CHD1L: variants seen among roughly 807,000 people sequenced by gnomAD.
CHD1L encodes ATP-dependent chromatin remodeler CHD1L.
CHD1L carries 118 observed loss-of-function variants against 115.9 expected under a neutral mutation model. The ratio of observed to expected loss-of-function variants is 1.02; its 90% CI spans 0.88 to 1.19. CHD1L has a LOEUF of 1.19. Ranked by LOEUF, CHD1L falls within the 50% of genes most tolerant of loss-of-function variation. The pLI, the probability that CHD1L is intolerant of heterozygous loss-of-function variation, is 0.00. For synonymous variants in CHD1L, 411 were observed against 387.1 expected, an observed-to-expected ratio of 1.06 and a Z score of -0.72; for missense variants, 1,179 against 1,065.3, an observed-to-expected ratio of 1.11 and a Z score of -1.49.
intron 10 of CHD1L, among the ~76,000 whole-genome samples, chr1:147,270,196 T>A (rs1056469492): frequency 6.6e-6 from 1 of 152,248 alleles, no homozygotes; most frequent in East Asian, 1.9e-4. Context: ...GTTTTTATAA[T>A]GAGAATATTG....
chr1:147,291,616 C>A, intron 20 of CHD1L, 64 bp downstream of exon 20: 1 of 1,338,170 alleles, frequency 7.5e-7, no homozygotes, highest in South Asian at 1.2e-5. Flanking sequence ...CTTGAAGTGT[C>A]CCCTGCCCCA....
Position 147,276,101 on chromosome 1 carries a change from C to T in CHD1L, c.1386-3C>T, listed in dbSNP as rs782698178. The T allele has an allele frequency of 8.1e-6, 13 of 1,613,700 alleles. No homozygotes were observed. Among genetic ancestry groups the T allele is most frequent in the Middle Eastern group, 1.6e-4 (1 of 6,072 alleles). ...ACACTACCCTTGTTTGACTTATGTC[C>T]AGGTCTGTTAAAGTTATTCGGCTGA... On this transcript the variant is annotated splice_region_variant and splice_polypyrimidine_tract_variant and intron_variant, in intron 13 of 22. Coordinates refer to ENST00000369258, the MANE Select transcript of CHD1L (RefSeq NM_004284.6).
rs782078021 is a variant in CHD1L, at chr1:147,284,357, A to G, written c.1712A>G (p.His571Arg). The stretch of plus-strand genomic sequence containing the variant: ...TTGTGTTTTATGTTGTTAGAAAATC[A>G]TATGTACTTATTTGAAGGTAAAGAT... ...GSRDQEEGKN[H>R]MYLFEGKDYS... The change falls in exon 16 of 23, where the codon CAT (histidine) becomes CGT (arginine). Residue 571 changes from histidine (H) to arginine (R), a missense_variant. His to Arg is a conservative substitution (Grantham distance 29). Transcript: ENST00000369258. 4.5e-6 allele frequency: 7 copies of G among 1,568,512 alleles called. No individual in the cohort carries two copies. The highest frequency in any genetic ancestry group is 1.7e-4 in the Middle Eastern group (1 of 5,880).
the CHD1L span, chr1:147,225,038 G>A: frequency 3.1e-6 from 5 of 1,613,972 alleles, no homozygotes; most frequent in South Asian, 5.5e-5. Context: ...ATGGTCTCCC[G>A]AGATCTTCAC....
At chr1:147,178,416 A>G in the CHD1L span, 3 of 1,611,630 alleles carry the variant, frequency 1.9e-6, no homozygotes, top group Non-Finnish European at 2.5e-6. Context: ...GTGGATATCC[A>G]ACCCTGAATA....
At chr1:147,206,898 C>T in the CHD1L span, among the ~76,000 whole-genome samples, 2 of 151,590 alleles carry the variant, frequency 1.3e-5, no homozygotes, top group Admixed American at 6.6e-5. Context: ...CAAACCTGCA[C>T]GTTGTGCACA....
intron 2 of CHD1L, among the ~76,000 whole-genome samples, chr1:147,254,352 G>A (rs1460481484): frequency 6.6e-6 from 1 of 152,022 alleles, no homozygotes; most frequent in Non-Finnish European, 1.5e-5. Context: ...GCAAATAGAA[G>A]ACACCCTGTA....
chr1:147,213,773 G>A, the CHD1L span, among the ~76,000 whole-genome samples: 4 of 152,110 alleles, frequency 2.6e-5, no homozygotes, highest in African/African-American at 9.7e-5. Flanking sequence ...TAAAGCCTGG[G>A]CTTCTCCTGT....
At chr1:147,240,825 C>T (rs962755023), upstream of CHD1L, among the ~76,000 whole-genome samples, 4 of 152,140 alleles carry the variant, frequency 2.6e-5, no homozygotes, top group African/African-American at 9.7e-5. Flanking sequence ...TGCTGACCGT[C>T]TCTCCACTAT....
the CHD1L span, among the ~76,000 whole-genome samples, chr1:147,233,122 G>T: frequency 2.0e-5 from 3 of 151,826 alleles, no homozygotes; most frequent in African/African-American, 7.3e-5. Context: ...CCCCATCTGG[G>T]ATGTGAGGAG....
the CHD1L span, among the ~76,000 whole-genome samples, chr1:147,213,123 A>G: frequency 6.6e-6 from 1 of 152,180 alleles, no homozygotes; most frequent in African/African-American, 2.4e-5. Flanking sequence ...TTTTGCTCTA[A>G]TCTCCAAAAT....
the CHD1L span, among the ~76,000 whole-genome samples, chr1:147,192,852 GGGA>G: frequency 2.0e-5 from 3 of 152,114 alleles, no homozygotes; most frequent in Non-Finnish European, 4.4e-5. Context: ...TTGCATCCCA[GGGA>G]TGAAGCCCAC....
At chr1:147,191,042 C>T in the CHD1L span, among the ~76,000 whole-genome samples, 1 of 152,190 alleles carries the variant, frequency 6.6e-6, no homozygotes, top group African/African-American at 2.4e-5. Context: ...CATAATATTC[C>T]ATGGTGTATA....
chr1:147,212,500 G>C, the CHD1L span: 3 of 1,613,654 alleles, frequency 1.9e-6, no homozygotes, highest in East Asian at 6.7e-5. Context: ...TTATAGTCTC[G>C]ACTGTGGAAG....
the CHD1L span, among the ~76,000 whole-genome samples, chr1:147,231,578 C>T: frequency 1.3e-5 from 2 of 152,074 alleles, no homozygotes; most frequent in Non-Finnish European, 2.9e-5. Context: ...TTTTGTGTCA[C>T]ATTGATCTGT....
the CHD1L span, among the ~76,000 whole-genome samples, chr1:147,188,077 G>A: frequency 6.6e-6 from 1 of 152,118 alleles, no homozygotes; most frequent in African/African-American, 2.4e-5. Flanking sequence ...CTGATAGAGG[G>A]TCAAGTAGGA....
the CHD1L span, chr1:147,176,531 A>G: frequency 6.6e-6 from 1 of 152,186 alleles, no homozygotes; most frequent in Non-Finnish European, 1.5e-5. Flanking sequence ...ATACTTGTTG[A>G]GCTTTTGCTG....
At chr1:147,218,577 C>A in the CHD1L span, among the ~76,000 whole-genome samples, 2 of 152,164 alleles carry the variant, frequency 1.3e-5, no homozygotes, top group African/African-American at 4.8e-5. Flanking sequence ...CCATGGGTAT[C>A]CTGATAAATA....
intron 19 of CHD1L, among the ~76,000 whole-genome samples, chr1:147,288,322 C>CATTAAAAAAAAAAAAAAA (rs1452486110): frequency 2.3e-5 from 2 of 87,892 alleles, no homozygotes; most frequent in African/African-American, 4.8e-5. Context: ...GACCCTGTTT[C>CATTAAAAAAAAAAAAAAA]AATAAAAAAA....
Sources: allele counts gnomAD v4.1 joint callset (sites outside exome capture counted in the v4.1 genomes callset), GRCh38; gene constraint gnomAD v4.1.1; transcripts MANE v1.5; gene names NCBI Gene and HGNC (gene_info 2026-07-23, HGNC 2026-07-21).